The following RCAN2 variants were observed in gnomAD, a reference collection of about 807,000 sequenced individuals.
RCAN2 encodes the protein regulator of calcineurin 2.
In RCAN2, 9 loss-of-function variants were observed where a neutral mutation model predicts 23.6. The observed-to-expected ratio is 0.38, with a 90% CI of 0.23 to 0.67. The LOEUF (loss-of-function observed/expected upper bound fraction) is 0.67, where lower values mean the gene tolerates loss of function less well. Ranked by LOEUF, RCAN2 falls within the 30% of genes least tolerant of loss-of-function variation. The probability of loss-of-function intolerance (pLI) is 0.51; values close to 1 mark genes in which losing one functional copy is unlikely to be tolerated. For synonymous variants in RCAN2, 109 were observed against 115.7 expected (o/e 0.94, Z 0.37); for missense variants, 273 against 302.3 (o/e 0.90, Z 0.72).
chr6:46,482,901 T>TTTGTTCC (rs1768901054), intron 1 of RCAN2, among the ~76,000 whole-genome samples: 2 of 152,194 alleles, frequency 1.3e-5, no homozygotes, highest in African/African-American at 4.8e-5. Flanking sequence ...TAAAGGTTAT[T>TTTGTTCC]TTAAGGAACA....
At chr6:46,346,497 A>G (rs1764485688) in intron 2 of RCAN2, among the ~76,000 whole-genome samples, 1 of 152,206 alleles carries the variant, frequency 6.6e-6, no homozygotes, top group African/African-American at 2.4e-5. Flanking sequence ...TGATAATAGC[A>G]AAAATGCTAA....
intron 2 of RCAN2, among the ~76,000 whole-genome samples, chr6:46,306,887 T>C (rs970525107): frequency 6.6e-6 from 1 of 152,174 alleles, no homozygotes; most frequent in African/African-American, 2.4e-5. Flanking sequence ...GCATACTATA[T>C]AACTTATCAT....
intron 2 of RCAN2, among the ~76,000 whole-genome samples, chr6:46,257,236 T>C (rs1214094270): frequency 6.6e-6 from 1 of 152,216 alleles, no homozygotes; most frequent in Non-Finnish European, 1.5e-5. Context: ...AATATTAGGA[T>C]ATTAAAATAT....
rs576490847 is a variant in RCAN2, at chr6:46,292,884, C to G, written c.226-43988G>C. On this transcript the variant is annotated intron_variant, in intron 2 of 4. Transcript: ENST00000371374. The stretch of plus-strand genomic sequence containing the variant: ...CTATCCCTCCCCTAGCCCTCCACCC[C>G]CACGACAGGCCTTGGTGTGTGATGT... 3.9e-5 allele frequency among the ~76,000 whole-genome samples: 6 copies of G among 152,268 alleles called. No homozygotes were observed. In the South Asian group the frequency reaches 1.2e-3, roughly 32 times the overall value.
In RCAN2 at chr6:46,354,894, T is replaced by C. The variant is rs113429897; in HGVS notation, c.225+101858A>G. Among the ~76,000 whole-genome samples the C allele has an allele frequency of 2.8e-3, 367 of 133,008 alleles. 8 individuals are homozygous for C. The East Asian group carries it at 0.053, about 19-fold the overall frequency. The allele number at this position is 133,008 out of a possible 152,430, so 87.3% of individuals were successfully genotyped here. ...CAGAGACTTCTCAGGAAAAAGATTA[T>C]ATATGTGTGTGTGTGTGTGTGTGTG... is the stretch of plus-strand genomic sequence containing the variant. On this transcript the variant is annotated intron_variant, in intron 2 of 4. Transcript: ENST00000371374.
chr6:46,354,732 G>A (rs970517896), intron 2 of RCAN2, among the ~76,000 whole-genome samples: 2 of 152,158 alleles, frequency 1.3e-5, no homozygotes, highest in East Asian at 1.9e-4. Context: ...ATCTCACAAC[G>A]TTGTCCAACT....
intron 2 of RCAN2, among the ~76,000 whole-genome samples, chr6:46,339,014 C>CAAAAAAAAAAAAAAAAAA (rs3997300): frequency 4.2e-5 from 2 of 47,112 alleles, no homozygotes; most frequent in African/African-American, 1.8e-4. Flanking sequence ...GACCCTGTCT[C>CAAAAAAAAAAAAAAAAAA]AAAAAAAAAA....
intron 1 of RCAN2, among the ~76,000 whole-genome samples, chr6:46,484,925 G>T (rs1768957313): frequency 6.6e-6 from 1 of 152,066 alleles, no homozygotes; most frequent in Non-Finnish European, 1.5e-5. Flanking sequence ...TCACCAAAAA[G>T]AGTGCTTACA....
intron 2 of RCAN2, among the ~76,000 whole-genome samples, chr6:46,447,870 CA>C (rs1303831076): frequency 2.0e-5 from 3 of 151,222 alleles, no homozygotes; most frequent in African/African-American, 7.3e-5. Context: ...AAACTTATAG[CA>C]ATACATGCCT....
At chr6:46,438,670 C>T (rs973352220) in intron 2 of RCAN2, 2 of 152,162 alleles carry the variant, frequency 1.3e-5, no homozygotes, top group Non-Finnish European at 2.9e-5. Context: ...TATTCCAGAG[C>T]CTTCACTCTT....
chr6:46,460,194 G>A (rs903925470), intron 1 of RCAN2, among the ~76,000 whole-genome samples: 2 of 151,976 alleles, frequency 1.3e-5, no homozygotes, highest in Admixed American at 6.6e-5. Context: ...GAGTGGCTGG[G>A]ACTACAGGCA....
intron 2 of RCAN2, among the ~76,000 whole-genome samples, chr6:46,452,150 C>G (rs554096461): frequency 6.6e-6 from 1 of 152,230 alleles, no homozygotes; most frequent in Admixed American, 6.5e-5. Flanking sequence ...ATCTGTATAT[C>G]AGGAGGCAGT....
chr6:46,474,445 C>A (rs866991435), intron 1 of RCAN2, among the ~76,000 whole-genome samples: 47 of 152,104 alleles, frequency 3.1e-4, no homozygotes, highest in African/African-American at 1.1e-3. Flanking sequence ...CTTGAAGCAA[C>A]AGAGTGCTAT....
In RCAN2 at chr6:46,294,498, A is replaced by C. The variant is rs556920154; in HGVS notation, c.226-45602T>G. On this transcript the variant is annotated intron_variant, in intron 2 of 4. Coordinates refer to ENST00000371374, the MANE Select transcript of RCAN2 (RefSeq NM_001251974.2). ...AGGAAATAATGAGAGGAAAGAGTTA[A>C]AGATTTAAGCACAATTTTTTTTAAA... is the stretch of plus-strand genomic sequence containing the variant. Among the ~76,000 whole-genome samples, 44 of 152,308 alleles carry C rather than the reference A, an allele frequency of 2.9e-4. No homozygotes were observed. In the South Asian group the frequency reaches 9.1e-3, roughly 32 times the overall value.
Position 46,419,632 on chromosome 6 carries a change from T to A in RCAN2, c.225+37120A>T, listed in dbSNP as rs543762952. Among the ~76,000 whole-genome samples, 6 of 152,324 alleles carry A rather than the reference T, an allele frequency of 3.9e-5. No individual in the cohort carries two copies. The South Asian group carries it at 1.2e-3, about 32-fold the overall frequency. On this transcript the variant is annotated intron_variant, in intron 2 of 4. Coordinates refer to ENST00000371374, the MANE Select transcript of RCAN2 (RefSeq NM_001251974.2). ...CTCAATTTAGTATTACTTCTATTTT[T>A]AAAATATAATAAAATTACAAAATAT...
At chr6:46,455,624 A>G (rs1298584624) in intron 2 of RCAN2, among the ~76,000 whole-genome samples, 1 of 151,986 alleles carries the variant, frequency 6.6e-6, no homozygotes, top group East Asian at 1.9e-4. Context: ...TGGGAGGCCG[A>G]GGCAGGCAGA....
intron 2 of RCAN2, among the ~76,000 whole-genome samples, chr6:46,355,836 T>TAAACTGAC (rs1764812846): frequency 6.6e-6 from 1 of 152,218 alleles, no homozygotes. Context: ...GTCCTCTGGT[T>TAAACTGAC]AAACTGCTTG....
chr6:46,255,995 T>G (rs1042628425), intron 2 of RCAN2, among the ~76,000 whole-genome samples: 1 of 152,152 alleles, frequency 6.6e-6, no homozygotes, highest in Non-Finnish European at 1.5e-5. Flanking sequence ...GGAGAGGATA[T>G]GGAGTGATTA....
In RCAN2 at chr6:46,253,721, G is replaced by A. The variant is rs371567964; in HGVS notation, c.226-4825C>T. ...CTGTGATGAATAGAAATACAGTCAT[G>A]CACTGCATAATGAAGTTTTGGTCAA... On this transcript the variant is annotated intron_variant, in intron 2 of 4. Transcript: ENST00000371374. 4.4e-4 allele frequency among the ~76,000 whole-genome samples: 67 copies of A among 152,030 alleles called. 1 individual carries two copies. In the East Asian group the frequency reaches 0.011, roughly 24 times the overall value.
Sources: allele counts gnomAD v4.1 joint callset (sites outside exome capture counted in the v4.1 genomes callset), GRCh38; gene constraint gnomAD v4.1.1; transcripts MANE v1.5; gene names NCBI Gene and HGNC (gene_info 2026-07-23, HGNC 2026-07-21).